Variants in RHOJ observed in about 807,000 individuals in gnomAD.
RHOJ encodes rho-related GTP-binding protein RhoJ.
A neutral mutation model predicts 23.4 loss-of-function variants in RHOJ; 11 were observed. The observed-to-expected ratio is 0.47, with a 90% CI of 0.30 to 0.78. RHOJ has a LOEUF of 0.78. RHOJ is among the 30% of genes least tolerant of loss of function. RHOJ has a pLI of 0.08. For synonymous variants in RHOJ, 102 were observed against 102.7 expected (o/e 0.99, Z 0.04); for missense variants, 254 against 273.4 (o/e 0.93, Z 0.50).
chr14:63,244,813 A>G (rs1273800636), intron 1 of RHOJ, among the ~76,000 whole-genome samples: 2 of 152,248 alleles, frequency 1.3e-5, no homozygotes, highest in Non-Finnish European at 2.9e-5. Flanking sequence ...ACTACTTAAA[A>G]ATTAATTTTC....
At chr14:63,259,042 C>A in intron 1 of RHOJ, among the ~76,000 whole-genome samples, 1 of 152,152 alleles carries the variant, frequency 6.6e-6, no homozygotes, top group East Asian at 1.9e-4. Flanking sequence ...CAGGTTCAAG[C>A]AATTCTCTTG....
chr14:63,242,589 G>A (rs1594762121), intron 1 of RHOJ, among the ~76,000 whole-genome samples: 1 of 152,230 alleles, frequency 6.6e-6, no homozygotes, highest in South Asian at 2.1e-4. Flanking sequence ...GGGCCAGGGG[G>A]TTTTGTTGGG....
chr14:63,283,246 T>A, intron 4 of RHOJ, 30 bp downstream of exon 4: 1 of 1,554,914 alleles, frequency 6.4e-7, no homozygotes, highest in Non-Finnish European at 8.9e-7. Flanking sequence ...TCATTTTAAA[T>A]GTATGCTGAG....
intron 2 of RHOJ, among the ~76,000 whole-genome samples, chr14:63,270,443 C>T (rs1201417278): frequency 1.3e-5 from 2 of 152,174 alleles, no homozygotes; most frequent in African/African-American, 4.8e-5. Flanking sequence ...CCGCCAGGAA[C>T]TGGGAGTGGT....
At chr14:63,237,496 T>C (rs1894810697) in intron 1 of RHOJ, among the ~76,000 whole-genome samples, 1 of 152,202 alleles carries the variant, frequency 6.6e-6, no homozygotes, top group Non-Finnish European at 1.5e-5. Flanking sequence ...TGAAAGTCTT[T>C]ATCATTTCTA....
At chr14:63,237,434 A>T (rs1478282288) in intron 1 of RHOJ, among the ~76,000 whole-genome samples, 1 of 152,236 alleles carries the variant, frequency 6.6e-6, no homozygotes, top group Non-Finnish European at 1.5e-5. Flanking sequence ...TGTCAGATCA[A>T]TTGCAGTCCC....
intron 1 of RHOJ, among the ~76,000 whole-genome samples, chr14:63,226,562 A>G (rs1251665330): frequency 6.6e-6 from 1 of 150,442 alleles, no homozygotes; most frequent in Non-Finnish European, 1.5e-5. Flanking sequence ...AAAATAAAAT[A>G]TGAATATAAT....
chr14:63,243,292 A>G (rs1894916813), intron 1 of RHOJ, among the ~76,000 whole-genome samples: 1 of 152,130 alleles, frequency 6.6e-6, no homozygotes, highest in South Asian at 2.1e-4. Flanking sequence ...AGCTGCTCCT[A>G]TTCCCATGCT....
At chr14:63,247,039 G>T (rs953609585) in intron 1 of RHOJ, among the ~76,000 whole-genome samples, 1 of 152,208 alleles carries the variant, frequency 6.6e-6, no homozygotes, top group Admixed American at 6.6e-5. Flanking sequence ...ACTGGAAGGG[G>T]ATTCAGAACA....
At chr14:63,275,831 T>C (rs888678469) in intron 2 of RHOJ, among the ~76,000 whole-genome samples, 1 of 152,146 alleles carries the variant, frequency 6.6e-6, no homozygotes, top group Admixed American at 6.5e-5. Flanking sequence ...TGTTACCATC[T>C]AACCCAGGGC....
intron 1 of RHOJ, among the ~76,000 whole-genome samples, chr14:63,259,358 T>C (rs1007304690): frequency 1.3e-5 from 2 of 152,234 alleles, no homozygotes; most frequent in African/African-American, 4.8e-5. Context: ...GGCATCTTTC[T>C]ATCTTTCAGT....
chr14:63,283,497 C>T (rs1474140768), intron 4 of RHOJ, among the ~76,000 whole-genome samples: 1 of 152,216 alleles, frequency 6.6e-6, no homozygotes, highest in East Asian at 1.9e-4. Context: ...TCTAGAACAT[C>T]TACTTGCCAT....
chr14:63,243,757 G>A (rs1191092028), intron 1 of RHOJ, among the ~76,000 whole-genome samples: 1 of 152,200 alleles, frequency 6.6e-6, no homozygotes, highest in East Asian at 1.9e-4. Flanking sequence ...TCCTCAGAGA[G>A]TGAGGAAGGC....
At chr14:63,268,286 G>T (rs569884990) in intron 1 of RHOJ, among the ~76,000 whole-genome samples, 1 of 151,972 alleles carries the variant, frequency 6.6e-6, no homozygotes, top group East Asian at 1.9e-4. Flanking sequence ...CATTCAATCT[G>T]TTCAATCTCA....
intron 1 of RHOJ, among the ~76,000 whole-genome samples, chr14:63,252,382 T>C (rs1049740059): frequency 6.6e-6 from 1 of 152,198 alleles, no homozygotes; most frequent in East Asian, 1.9e-4. Context: ...AAGGTATATA[T>C]TTATGATGTG....
At chr14:63,264,981 GTTTGT>G (rs1170027236) in intron 1 of RHOJ, among the ~76,000 whole-genome samples, 2 of 152,274 alleles carry the variant, frequency 1.3e-5, no homozygotes, top group East Asian at 1.9e-4. Flanking sequence ...TCTGTTGATA[GTTTGT>G]TTTGTTTTGT....
intron 1 of RHOJ, among the ~76,000 whole-genome samples, chr14:63,242,663 C>G (rs1018506168): frequency 1.1e-4 from 16 of 152,136 alleles, no homozygotes; most frequent in Admixed American, 8.5e-4. Flanking sequence ...CTTGGAGAAG[C>G]CTGGCTGTGA....
rs1895145362 is a variant in RHOJ at position 63,255,410 on chromosome 14, G to A, written c.179-13700G>A. ...GGGCTCAGAGAAGCTACATTTAAGGGAAGGATGAGAGCCTTGTCTCTTGAA... is the reference window on the plus strand; with the variant it reads ...GGGCTCAGAGAAGCTACATTTAAGGAAAGGATGAGAGCCTTGTCTCTTGAA... On this transcript the variant is annotated intron_variant, in intron 1 of 4. Transcript: ENST00000316754. 3.3e-5 allele frequency among the ~76,000 whole-genome samples: 5 copies of A among 152,280 alleles called. No individual in the cohort carries two copies. In the South Asian group the frequency reaches 1.0e-3, roughly 32 times the overall value.
intron 1 of RHOJ, among the ~76,000 whole-genome samples, chr14:63,257,194 C>A (rs1459935195): frequency 7.0e-6 from 1 of 142,634 alleles, no homozygotes; most frequent in African/African-American, 2.7e-5. Context: ...GACGAAATCG[C>A]ACCACTGTAC....
Sources: allele counts gnomAD v4.1 joint callset (sites outside exome capture counted in the v4.1 genomes callset), GRCh38; gene constraint gnomAD v4.1.1; transcripts MANE v1.5; gene names NCBI Gene and HGNC (gene_info 2026-07-23, HGNC 2026-07-21).